Variants in SLC16A10 observed in about 807,000 individuals in gnomAD.
SLC16A10 encodes solute carrier family 16 member 10.
Under a neutral mutation model 40.0 loss-of-function variants are expected in SLC16A10, and 27 were observed. The observed-to-expected ratio is 0.67, with a 90% CI of 0.50 to 0.93. The LOEUF is 0.93. Among genes scored for constraint, SLC16A10 ranks in the 40% least tolerant of loss-of-function variants. The probability of loss-of-function intolerance (pLI) is 0.00; values close to 1 mark genes in which losing one functional copy is unlikely to be tolerated. For synonymous variants in SLC16A10, 213 were observed against 249.8 expected, an observed-to-expected ratio of 0.85 and a Z score of 1.39; for missense variants, 529 against 658.2, an observed-to-expected ratio of 0.80 and a Z score of 2.15.
intron 1 of SLC16A10, among the ~76,000 whole-genome samples, chr6:111,155,856 T>C (rs556367987): frequency 6.6e-6 from 1 of 152,322 alleles, no homozygotes; most frequent in Non-Finnish European, 1.5e-5. Flanking sequence ...ATGACATCCC[T>C]GTTGCAACAA....
intron 1 of SLC16A10, among the ~76,000 whole-genome samples, chr6:111,154,610 G>T (rs991851358): frequency 6.6e-6 from 1 of 152,142 alleles, no homozygotes; most frequent in African/African-American, 2.4e-5. Context: ...AGTAATGTTG[G>T]CATTGGCCTT....
intron 1 of SLC16A10, among the ~76,000 whole-genome samples, chr6:111,169,006 A>G (rs1374736707): frequency 6.6e-6 from 1 of 152,080 alleles, no homozygotes; most frequent in Non-Finnish European, 1.5e-5. Context: ...GAGAGGGACG[A>G]CTTAAGAGAT....
chr6:111,135,799 T>G (rs983650289), intron 1 of SLC16A10, among the ~76,000 whole-genome samples: 22 of 152,330 alleles, frequency 1.4e-4, no homozygotes, highest in Middle Eastern at 3.4e-3. Flanking sequence ...TTCAGAAACC[T>G]TGTGCCATCA....
intron 4 of SLC16A10, among the ~76,000 whole-genome samples, chr6:111,210,751 T>G (rs2114587259): frequency 6.6e-6 from 1 of 152,206 alleles, no homozygotes; most frequent in East Asian, 1.9e-4. Context: ...GAGTAGTGGA[T>G]TTTGGCCGGG....
chr6:111,087,609 T>TGCCAGCCCGCCCGCC lies in SLC16A10; in HGVS notation c.-143_-129dup, dbSNP rs1770889284. ...GCCTGCGCGCTGGCCGCCTGCGCGC[T>TGCCAGCCCGCCCGCC]GCCAGCCCGCCCGCCCGCCAGGGGC... On this transcript the variant is annotated 5_prime_UTR_variant, in exon 1 of 6. Transcript: ENST00000368851. The TGCCAGCCCGCCCGCC allele has an allele frequency of 8.3e-6, 3 of 361,628 alleles. No individual in the cohort carries two copies. In the East Asian group the frequency reaches 1.7e-4, roughly 21 times the overall value. 22.4% of individuals were successfully genotyped at this position (361,628 alleles called of 1,614,324 possible).
rs1770887326 is a variant in SLC16A10, at chr6:111,087,537, A to G, written c.-216A>G. 1 of 200,972 alleles carries G rather than the reference A, an allele frequency of 5.0e-6. No homozygotes were observed. The allele number at this position is 200,972 out of a possible 1,614,324, so 12.4% of individuals were successfully genotyped here. A position where few individuals can be genotyped will look rare whatever the true frequency, so the allele number is the denominator to read the frequency against. ...TGCGGGGCTGTGACCTAGAGGCTTC[A>G]GTGTCGATCCCCGAGGTGTTCGCGC... On this transcript the variant is annotated 5_prime_UTR_variant, in exon 1 of 6. Transcript: ENST00000368851.
At chr6:111,092,877 TA>T (rs1391552910) in intron 1 of SLC16A10, among the ~76,000 whole-genome samples, 1 of 151,266 alleles carries the variant, frequency 6.6e-6, no homozygotes, top group African/African-American at 2.4e-5. Flanking sequence ...CCGTTTCTAC[TA>T]AAAATACAAA....
At chr6:111,208,703 T>G (rs989054259) in intron 4 of SLC16A10, among the ~76,000 whole-genome samples, 1 of 152,096 alleles carries the variant, frequency 6.6e-6, no homozygotes, top group Admixed American at 6.6e-5. Context: ...GTGTCCAGAA[T>G]AGGAATCTCT....
chr6:111,154,820 G>A (rs1269987527), intron 1 of SLC16A10, among the ~76,000 whole-genome samples: 4 of 151,832 alleles, frequency 2.6e-5, no homozygotes, highest in East Asian at 1.9e-4. Context: ...TGGAAACCTC[G>A]TCTCTACTGA....
chr6:111,149,195 CTG>C (rs1562413468), intron 1 of SLC16A10, among the ~76,000 whole-genome samples: 4 of 152,164 alleles, frequency 2.6e-5, no homozygotes, highest in Non-Finnish European at 5.9e-5. Flanking sequence ...GAACATAAGA[CTG>C]TTTTTAATCT....
At position 111,218,607 on chromosome 6, in the gene SLC16A10, C is replaced by A. The variant is rs541536925; in HGVS notation, c.1087-207C>A. Among the ~76,000 whole-genome samples, 7 of 152,048 alleles carry A rather than the reference C, an allele frequency of 4.6e-5. No homozygotes were observed. In the South Asian group the frequency reaches 1.5e-3, roughly 32 times the overall value. ...AACAATACGTTTTTTTAATCTTGTC[C>A]CTTAATGGAAATATTGAGAAAATGT... On this transcript the variant is annotated intron_variant, in intron 4 of 5. Transcript: ENST00000368851.
At chr6:111,203,020 A>G (rs141616024) in intron 3 of SLC16A10, among the ~76,000 whole-genome samples, 42 of 152,250 alleles carry the variant, frequency 2.8e-4, no homozygotes, top group Non-Finnish European at 5.3e-4. Context: ...TCCCCTGTGT[A>G]GACAGTGACC....
intron 3 of SLC16A10, among the ~76,000 whole-genome samples, chr6:111,202,099 T>C (rs1773176206): frequency 6.6e-6 from 1 of 152,206 alleles, no homozygotes; most frequent in Admixed American, 6.5e-5. Flanking sequence ...TTTCTTAGGC[T>C]ACTGCCTGAG....
rs1458446930 is a variant in SLC16A10, at chr6:111,222,352, A to G, written c.*117A>G. On this transcript the variant is annotated 3_prime_UTR_variant, in exon 6 of 6. Coordinates refer to ENST00000368851, the MANE Select transcript of SLC16A10 (RefSeq NM_018593.5). Reference sequence around the variant, plus strand: ...TTAATCACATCCTAGGAATAGCACAATAATTGGGAAATAGAACCCTTATCA... The same window carrying G: ...TTAATCACATCCTAGGAATAGCACAGTAATTGGGAAATAGAACCCTTATCA... 26 of 1,317,830 alleles carry G rather than the reference A, an allele frequency of 2.0e-5. No individual in the cohort carries two copies. The highest frequency in any genetic ancestry group is 4.8e-5 in the South Asian group (3 of 62,356). 81.6% of individuals were successfully genotyped at this position (1,317,830 alleles called of 1,614,324 possible). A position where few individuals can be genotyped will look rare whatever the true frequency, so the allele number is the denominator to read the frequency against.
rs1455620622 is a variant in SLC16A10 at position 111,231,042 on chromosome 6, T to G, written c.*8807T>G. 1 of 152,206 alleles carries G rather than the reference T, an allele frequency of 6.6e-6. No individual in the cohort carries two copies. Among genetic ancestry groups the G allele is most frequent in the Non-Finnish European group, 1.5e-5 (1 of 68,042 alleles). 9.4% of individuals were successfully genotyped at this position (152,206 alleles called of 1,614,324 possible). Reference sequence around the variant, plus strand: ...GTATGCTTCTTTTTGAAGACTATAATTTACAATTTTTTTAATAATGTGCAA... The same window carrying G: ...GTATGCTTCTTTTTGAAGACTATAAGTTACAATTTTTTTAATAATGTGCAA... On this transcript the variant is annotated 3_prime_UTR_variant, in exon 6 of 6. Coordinates refer to ENST00000368851, the MANE Select transcript of SLC16A10 (RefSeq NM_018593.5).
At chr6:111,102,575 C>T (rs1771208439) in intron 1 of SLC16A10, among the ~76,000 whole-genome samples, 2 of 152,152 alleles carry the variant, frequency 1.3e-5, no homozygotes, top group African/African-American at 4.8e-5. Context: ...TTGAGATTAT[C>T]TTAGGCCTTA....
chr6:111,197,413 AT>A (rs1283622736), intron 3 of SLC16A10, among the ~76,000 whole-genome samples: 2 of 152,202 alleles, frequency 1.3e-5, no homozygotes, highest in Non-Finnish European at 2.9e-5. Context: ...TTAAGTTAAA[AT>A]TTCAATAACC....
intron 1 of SLC16A10, among the ~76,000 whole-genome samples, chr6:111,146,720 G>A (rs1772085528): frequency 6.6e-6 from 1 of 151,454 alleles, no homozygotes. Context: ...CTGGGCAACA[G>A]AGCGAGACTC....
chr6:111,087,629 A>C lies in SLC16A10; in HGVS notation c.-124A>C. ...CGCGCTGCCAGCCCGCCCGCCCGCCAGGGGCTCCGCCGCCCTCGCCTCGGC... is the reference window on the plus strand; with the variant it reads ...CGCGCTGCCAGCCCGCCCGCCCGCCCGGGGCTCCGCCGCCCTCGCCTCGGC... On this transcript the variant is annotated 5_prime_UTR_variant, in exon 1 of 6. Coordinates refer to ENST00000368851, the MANE Select transcript of SLC16A10 (RefSeq NM_018593.5). The C allele has an allele frequency of 2.1e-6, 1 of 468,292 alleles. No individual in the cohort carries two copies. Among genetic ancestry groups the C allele is most frequent in the Non-Finnish European group, 3.2e-6 (1 of 315,278 alleles). The allele number at this position is 468,292 out of a possible 1,614,324, so 29.0% of individuals were successfully genotyped here. A position where few individuals can be genotyped will look rare whatever the true frequency, so the allele number is the denominator to read the frequency against.
Sources: gnomAD v4.1 joint callset for allele counts (sites outside exome capture counted in the v4.1 genomes callset) on GRCh38, gnomAD v4.1.1 for gene constraint, MANE v1.5 for transcripts, NCBI Gene and HGNC (gene_info 2026-07-23, HGNC 2026-07-21) for gene names.